The following CD276 variants were observed in gnomAD, a reference collection of about 807,000 sequenced individuals.
CD276 encodes the protein CD276 molecule.
A neutral mutation model predicts 50.0 loss-of-function variants in CD276; 34 were observed. The observed-to-expected ratio is 0.68, with a 90% CI of 0.52 to 0.91. The LOEUF is 0.91. Among genes scored for constraint, CD276 ranks in the 40% least tolerant of loss-of-function variants. The probability of loss-of-function intolerance (pLI) is 0.00; values close to 1 mark genes in which losing one functional copy is unlikely to be tolerated. For synonymous variants in CD276, 275 were observed against 313.0 expected, an observed-to-expected ratio of 0.88 and a Z score of 1.28; for missense variants, 634 against 717.5, an observed-to-expected ratio of 0.88 and a Z score of 1.33.
intron 4 of CD276, among the ~76,000 whole-genome samples, chr15:73,703,416 C>T (rs1596014864): frequency 6.6e-6 from 1 of 152,070 alleles, no homozygotes; most frequent in Non-Finnish European, 1.5e-5. Flanking sequence ...GTCACCTGCC[C>T]CAGGCCTGGC....
intron 1 of CD276, among the ~76,000 whole-genome samples, chr15:73,699,125 TTTCCC>T (rs1900280667): frequency 6.6e-6 from 1 of 152,174 alleles, no homozygotes; most frequent in South Asian, 2.1e-4. Context: ...TGACCGTGTA[TTTCCC>T]TTATTCAGGA....
chr15:73,705,432 C>T (rs1377734420), intron 6 of CD276, among the ~76,000 whole-genome samples: 4 of 152,090 alleles, frequency 2.6e-5, no homozygotes, highest in Admixed American at 6.5e-5. Context: ...CTGACAAGCT[C>T]GGAGCCAGGG....
intron 1 of CD276, among the ~76,000 whole-genome samples, chr15:73,699,224 G>A (rs1417547942): frequency 1.3e-5 from 2 of 152,184 alleles, no homozygotes; most frequent in Non-Finnish European, 2.9e-5. Context: ...AGGAGCTCCT[G>A]CTCTGCCCTA....
At chr15:73,695,030 A>G (rs1900126469) in intron 1 of CD276, among the ~76,000 whole-genome samples, 1 of 152,162 alleles carries the variant, frequency 6.6e-6, no homozygotes, top group Non-Finnish European at 1.5e-5. Flanking sequence ...AAGGGAGAAA[A>G]TGGGTGTAAG....
At chr15:73,691,399 A>G (rs1899983956) in intron 1 of CD276, among the ~76,000 whole-genome samples, 1 of 152,172 alleles carries the variant, frequency 6.6e-6, no homozygotes, top group Non-Finnish European at 1.5e-5. Context: ...AGACACATTT[A>G]TTGCTAACAG....
chr15:73,684,591 C>G (rs1457700215), intron 1 of CD276, 131 bp downstream of exon 1: 2 of 152,214 alleles, frequency 1.3e-5, no homozygotes, highest in East Asian at 3.9e-4. Flanking sequence ...GCCTTCCCTC[C>G]GGGCTCCTGC....
chr15:73,711,391 A>C, intron 9 of CD276: 1 of 561,540 alleles, frequency 1.8e-6, no homozygotes, highest in Non-Finnish European at 3.2e-6. Context: ...GCAGGACAGG[A>C]GTTTATTCCT....
At position 73,713,410 on chromosome 15, in the gene CD276, T is replaced by A; in HGVS notation, c.*454T>A. The A allele has an allele frequency of 4.0e-6, 1 of 251,006 alleles. No individual in the cohort carries two copies. The highest frequency in any genetic ancestry group is 4.4e-5 in the South Asian group (1 of 22,786). The allele number at this position is 251,006 out of a possible 1,614,324, so 15.5% of individuals were successfully genotyped here. A position where few individuals can be genotyped will look rare whatever the true frequency, so the allele number is the denominator to read the frequency against. Reference sequence around the variant, plus strand: ...AGTCACCCCGGCCTTGTTTCTCCAATGGCCGTGATACACTAGTGATCATGT... The same window carrying A: ...AGTCACCCCGGCCTTGTTTCTCCAAAGGCCGTGATACACTAGTGATCATGT... On this transcript the variant is annotated 3_prime_UTR_variant, in exon 10 of 10. Coordinates refer to ENST00000318443, the MANE Select transcript of CD276 (RefSeq NM_001024736.2).
At chr15:73,706,050 G>A (rs959583970) in intron 6 of CD276, among the ~76,000 whole-genome samples, 3 of 152,160 alleles carry the variant, frequency 2.0e-5, no homozygotes, top group Non-Finnish European at 4.4e-5. Context: ...AGGAGTTCGA[G>A]ACCAGCCTGA....
intron 6 of CD276, 132 bp from the exon 7 acceptor site, chr15:73,708,207 A>T: frequency 1.1e-6 from 1 of 946,486 alleles, no homozygotes; most frequent in Non-Finnish European, 1.6e-6. Flanking sequence ...GTAGGAACTT[A>T]AGTGAGCTTT....
Position 73,709,674 on chromosome 15 carries a change from G to A in CD276, c.1531G>A (p.Glu511Lys). Residue 511 changes from glutamate (E) to lysine (K), a missense_variant, in exon 8 of 10, where the codon GAA (glutamate) becomes AAA (lysine). Glu to Lys is a moderately conservative substitution (Grantham distance 56). Coordinates refer to ENST00000318443, the MANE Select transcript of CD276 (RefSeq NM_001024736.2). ...AGCTGAGGACCAGGATGGGGAGGGA[G>A]AAGGCTCCAAGACAGGTGAGTCTGA... ...AGAEDQDGEG[E>K]GSKTALQPLK... 1.2e-6 allele frequency: 2 copies of A among 1,613,050 alleles called. No individual in the cohort carries two copies. The highest frequency in any genetic ancestry group is 1.7e-6 in the Non-Finnish European group (2 of 1,179,654).
At position 73,702,778 on chromosome 15, in the gene CD276, A is replaced by C; in HGVS notation, c.425A>C (p.Tyr142Ser). ...AAVSLQVAAP[Y>S]SKPSMTLEPN... ...TGCCCTCTGTCACCTCCAGCTCCCT[A>C]CTCGAAGCCCAGCATGACCCTGGAG... Residue 142 changes from tyrosine to serine, a missense_variant, in exon 4 of 10, where the codon TAC becomes TCC. Tyr to Ser is a moderately radical substitution (Grantham distance 144). Coordinates refer to ENST00000318443, the MANE Select transcript of CD276 (RefSeq NM_001024736.2). 1.2e-6 allele frequency: 2 copies of C among 1,610,854 alleles called. No homozygotes were observed. The highest frequency in any genetic ancestry group is 1.7e-6 in the Non-Finnish European group (2 of 1,178,534).
rs774012932 is a variant in CD276 at position 73,703,720 on chromosome 15, C to A, written c.795C>A (p.Thr265=). Residue 265 remains threonine, a synonymous_variant, in exon 5 of 10, where the codon ACC becomes ACA. Transcript: ENST00000318443. The part of the protein sequence containing the change: ...PVVALVGTDA[T]LRCSFSPEPG... ...TGGCCCTAGTGGGCACCGATGCCAC[C>A]CTGCGCTGCTCCTTCTCCCCCGAGC... The A allele has an allele frequency of 1.5e-5, 25 of 1,613,202 alleles. No individual in the cohort carries two copies. Among genetic ancestry groups the A allele is most frequent in the Non-Finnish European group, 7.6e-6 (9 of 1,179,972 alleles).
chr15:73,712,821 C>T (rs1900961552), intron 9 of CD276, 113 bp from the exon 10 acceptor site: 2 of 1,079,390 alleles, frequency 1.9e-6, no homozygotes, highest in East Asian at 2.4e-5. Context: ...CACACACACT[C>T]CCCACTTGAA....
At chr15:73,693,577 G>C (rs546510107) in intron 1 of CD276, among the ~76,000 whole-genome samples, 13 of 152,198 alleles carry the variant, frequency 8.5e-5, no homozygotes, top group Non-Finnish European at 1.8e-4. Flanking sequence ...ATGAGTGTGA[G>C]TGACTTCTGA....
In CD276 at chr15:73,706,023, G is replaced by A. The variant is rs961349925; in HGVS notation, c.1369+1551G>A. Among the ~76,000 whole-genome samples the A allele has an allele frequency of 5.9e-5, 9 of 152,316 alleles. No homozygotes were observed. The East Asian group carries it at 1.7e-3, about 29-fold the overall frequency. On this transcript the variant is annotated intron_variant, in intron 6 of 9. Coordinates refer to ENST00000318443, the MANE Select transcript of CD276 (RefSeq NM_001024736.2). Reference sequence around the variant, plus strand: ...CCAGCACTTTGGGAGGCCAAGGCGGGTGGATCACTTGAGGTCAGGAGTTCG... The same window carrying A: ...CCAGCACTTTGGGAGGCCAAGGCGGATGGATCACTTGAGGTCAGGAGTTCG...
At position 73,701,395 on chromosome 15, in the gene CD276, G is replaced by A. The variant is rs116229878; in HGVS notation, c.80-860G>A. On this transcript the variant is annotated intron_variant, in intron 2 of 9. Transcript: ENST00000318443. ...TTAAGCATTGCTACTCAGATTATGC[G>A]TGATTAAAACACTCCCCAGTGATTC... Among the ~76,000 whole-genome samples, 278 of 152,252 alleles carry A rather than the reference G, an allele frequency of 1.8e-3. 1 individual carries two copies. The highest frequency in any genetic ancestry group is 6.1e-3 in the African/African-American group (254 of 41,542).
Position 73,708,386 on chromosome 15 carries a change from C to T in CD276, c.1417C>T (p.Leu473=). 6.2e-7 allele frequency: 1 copy of T among 1,613,830 alleles called. No homozygotes were observed. The highest frequency in any genetic ancestry group is 8.5e-7 in the Non-Finnish European group (1 of 1,179,834). Residue 473 remains leucine, a synonymous_variant, in exon 7 of 10, where the codon CTG becomes TTG. Coordinates refer to ENST00000318443, the MANE Select transcript of CD276 (RefSeq NM_001024736.2). ...AGAGGCCCTGTGGGTGACCGTGGGG[C>T]TGTCTGTCTGTCTCATTGCACTGCT... ...PPEALWVTVG[L]SVCLIALLVA...
intron 2 of CD276, among the ~76,000 whole-genome samples, chr15:73,700,741 C>A (rs1900345975): frequency 6.6e-6 from 1 of 152,074 alleles, no homozygotes; most frequent in Non-Finnish European, 1.5e-5. Context: ...ATGCAGGAAA[C>A]CTTTAATGAG....
Sources: allele counts gnomAD v4.1 joint callset (sites outside exome capture counted in the v4.1 genomes callset), GRCh38; gene constraint gnomAD v4.1.1; transcripts MANE v1.5; gene names NCBI Gene and HGNC (gene_info 2026-07-23, HGNC 2026-07-21).